Variants in TMEM126A observed in about 807,000 individuals in gnomAD.
TMEM126A encodes the protein transmembrane protein 126A.
A neutral mutation model predicts 18.3 loss-of-function variants in TMEM126A; 10 were observed. The ratio of observed to expected loss-of-function variants is 0.55; its 90% CI spans 0.34 to 0.93. The LOEUF (loss-of-function observed/expected upper bound fraction) is 0.93. Ranked by LOEUF, TMEM126A falls within the 40% of genes least tolerant of loss-of-function variation. TMEM126A has a pLI of 0.02. For missense variants in TMEM126A, 246 were observed against 230.2 expected (o/e 1.07, Z -0.44); for synonymous variants, 68 against 78.1 (o/e 0.87, Z 0.68).
intron 2 of TMEM126A, among the ~76,000 whole-genome samples, 193 bp from the exon 3 acceptor site, chr11:85,653,870 G>A (rs965911716): frequency 1.9e-4 from 29 of 152,172 alleles, no homozygotes; most frequent in African/African-American, 7.0e-4. Context: ...GGGAGCTCAG[G>A]AGAGGCACCC....
At chr11:85,648,481 C>T (rs781134546) in intron 1 of TMEM126A, among the ~76,000 whole-genome samples, 9 of 152,194 alleles carry the variant, frequency 5.9e-5, no homozygotes, top group Non-Finnish European at 1.3e-4. Context: ...TTTTTACAGG[C>T]GGCGTTGTCT....
In TMEM126A at chr11:85,652,231, G is replaced by T. The variant is rs1591464042; in HGVS notation, c.87-1832G>T. 4.6e-5 allele frequency among the ~76,000 whole-genome samples: 7 copies of T among 152,336 alleles called. No homozygotes were observed. The South Asian group carries it at 1.4e-3, about 32-fold the overall frequency. On this transcript the variant is annotated intron_variant, in intron 2 of 4. Coordinates refer to ENST00000304511, the MANE Select transcript of TMEM126A (RefSeq NM_032273.4). Reference sequence around the variant, plus strand: ...TGTCACTGGGTTCTTTACCAAATTAGAAAGAATACCTGGAACTGCAAAGTA... The same window carrying T: ...TGTCACTGGGTTCTTTACCAAATTATAAAGAATACCTGGAACTGCAAAGTA...
At chr11:85,655,064 T>C (rs2082527709) in intron 3 of TMEM126A, among the ~76,000 whole-genome samples, 1 of 152,168 alleles carries the variant, frequency 6.6e-6, no homozygotes, top group African/African-American at 2.4e-5. Flanking sequence ...GTGTGCTGAA[T>C]ACTTTGAGTA....
chr11:85,650,372 T>G, intron 2 of TMEM126A, 31 bp downstream of exon 2: 1 of 1,440,994 alleles, frequency 6.9e-7, no homozygotes, highest in Non-Finnish European at 9.8e-7. Flanking sequence ...AAAAACACCT[T>G]TTATCAGGTG....
At chr11:85,655,822 G>T in intron 4 of TMEM126A, 114 bp downstream of exon 4, 1 of 725,372 alleles carries the variant, frequency 1.4e-6, no homozygotes, top group Non-Finnish European at 2.4e-6. Flanking sequence ...TTACCCTCTT[G>T]ATTAGAAGTT....
intron 1 of TMEM126A, among the ~76,000 whole-genome samples, chr11:85,648,789 T>C (rs1294010094): frequency 6.6e-6 from 1 of 152,184 alleles, no homozygotes; most frequent in African/African-American, 2.4e-5. Flanking sequence ...AGATATGGAA[T>C]GTCAAGGTAA....
intron 3 of TMEM126A, chr11:85,655,342 A>G: frequency 2.5e-6 from 1 of 401,166 alleles, no homozygotes; most frequent in Non-Finnish European, 4.6e-6. Flanking sequence ...CAGTAGCCCA[A>G]ACCATGAGAT....
chr11:85,656,346 T>TTAAG lies in TMEM126A; in HGVS notation c.435_438dup (p.Tyr147LysfsTer5). 6.2e-7 allele frequency: 1 copy of TTAAG among 1,612,402 alleles called. No individual in the cohort carries two copies. The highest frequency in any genetic ancestry group is 8.5e-7 in the Non-Finnish European group (1 of 1,179,578). ...TCTGTTACCACACAAAGGGAACATC[T>TTAAG]TAAGTTACTGGATTAGAACTTCTAA... is the stretch of plus-strand genomic sequence containing the variant. On this transcript the variant is annotated frameshift_variant, in exon 5 of 5. Coordinates refer to ENST00000304511, the MANE Select transcript of TMEM126A (RefSeq NM_032273.4). LOFTEE classifies it high-confidence loss of function.
In TMEM126A at chr11:85,656,377, T is replaced by C; in HGVS notation, c.464T>C (p.Val155Ala). The C allele has an allele frequency of 1.2e-6, 2 of 1,613,096 alleles. No homozygotes were observed. The highest frequency in any genetic ancestry group is 1.7e-6 in the Non-Finnish European group (2 of 1,179,588). The change falls in exon 5 of 5, where the codon GTC becomes GCC. Residue 155 changes from valine to alanine, a missense_variant. By Grantham distance (64) the Val-to-Ala change is moderately conservative (BLOSUM62 0). Coordinates refer to ENST00000304511, the MANE Select transcript of TMEM126A (RefSeq NM_032273.4). The stretch of plus-strand genomic sequence containing the variant: ...TACTGGATTAGAACTTCTAAGCCTG[T>C]CTTTAGAAAGATGTTATTTCCTATT... Reference protein sequence around the residue: ...LSYWIRTSKPVFRKMLFPILL... With the variant: ...LSYWIRTSKPAFRKMLFPILL...
chr11:85,652,159 C>T (rs962171005), intron 2 of TMEM126A, among the ~76,000 whole-genome samples: 1 of 152,068 alleles, frequency 6.6e-6, no homozygotes, highest in African/African-American at 2.4e-5. Context: ...GCAAGACTGT[C>T]TCAAAAAAGA....
At chr11:85,651,791 C>T (rs1208393140) in intron 2 of TMEM126A, among the ~76,000 whole-genome samples, 1 of 152,086 alleles carries the variant, frequency 6.6e-6, no homozygotes, top group Admixed American at 6.5e-5. Flanking sequence ...CCTGAGGTAA[C>T]GGAAAACCTT....
chr11:85,655,760 C>T (rs760518157), intron 4 of TMEM126A, 52 bp downstream of exon 4: 1 of 1,275,926 alleles, frequency 7.8e-7, no homozygotes, highest in Admixed American at 1.7e-5. Context: ...AAACTCACAA[C>T]TTAAAGCAGC....
At chr11:85,651,073 A>AT (rs1436420739) in intron 2 of TMEM126A, among the ~76,000 whole-genome samples, 1 of 139,642 alleles carries the variant, frequency 7.2e-6, no homozygotes, top group Non-Finnish European at 1.6e-5. Flanking sequence ...CCGTCTCAAA[A>AT]AAAAAAAAAA....
chr11:85,649,651 G>A (rs1217111610), intron 1 of TMEM126A, among the ~76,000 whole-genome samples: 1 of 152,152 alleles, frequency 6.6e-6, no homozygotes, highest in South Asian at 2.1e-4. Flanking sequence ...TAGCTACCCC[G>A]CATTCTTGCC....
chr11:85,655,863 T>C (rs1199530633), intron 4 of TMEM126A, among the ~76,000 whole-genome samples, 155 bp downstream of exon 4: 3 of 152,220 alleles, frequency 2.0e-5, no homozygotes, highest in Non-Finnish European at 2.9e-5. Context: ...ATAATGAAAT[T>C]CTACTTATCA....
At chr11:85,653,657 A>G (rs60865542) in intron 2 of TMEM126A, among the ~76,000 whole-genome samples, 9,376 of 152,220 alleles carry the variant, frequency 0.062, 944 homozygotes, top group African/African-American at 0.22. Context: ...TCCTGACACT[A>G]ATGTTTCAGG....
At position 85,651,736 on chromosome 11, in the gene TMEM126A, A is replaced by AC. The variant is rs545286541; in HGVS notation, c.86+1402dup. 3.6e-3 allele frequency among the ~76,000 whole-genome samples: 537 copies of AC among 150,994 alleles called. 4 individuals are homozygous for AC. The highest frequency in any genetic ancestry group is 0.011 in the African/African-American group (458 of 41,064). ...TTGGTGAGATCTTAAAAGCTCTTTC[A>AC]CCCCCCCTCCCCACACTCCAACTCC... On this transcript the variant is annotated intron_variant, in intron 2 of 4. Coordinates refer to ENST00000304511, the MANE Select transcript of TMEM126A (RefSeq NM_032273.4).
chr11:85,653,944 A>G (rs1473522099), intron 2 of TMEM126A, 119 bp from the exon 3 acceptor site: 1 of 1,239,398 alleles, frequency 8.1e-7, no homozygotes, highest in African/African-American at 1.5e-5. Flanking sequence ...TTGGTTCTAT[A>G]AGGGATAGAT....
In TMEM126A at chr11:85,655,626, C is replaced by T. The variant is rs370594330; in HGVS notation, c.313C>T (p.Arg105Trp). The change falls in exon 4 of 5, where the codon CGG becomes TGG. Residue 105 changes from arginine (R) to tryptophan (W), a missense_variant. Transcript: ENST00000304511. The stretch of plus-strand genomic sequence containing the variant: ...GGATTGTGAAACCTGTACCATAACA[C>T]GGAGTGGACTGACTGGTCTTGTTAT... ...DLDCETCTIT[R>W]SGLTGLVIGG... The T allele has an allele frequency of 1.1e-4, 173 of 1,613,464 alleles. No individual in the cohort carries two copies. The highest frequency in any genetic ancestry group is 1.4e-4 in the Non-Finnish European group (161 of 1,179,634).
Sources: allele counts gnomAD v4.1 joint callset (sites outside exome capture counted in the v4.1 genomes callset), GRCh38; gene constraint gnomAD v4.1.1; transcripts MANE v1.5; gene names NCBI Gene and HGNC (gene_info 2026-07-23, HGNC 2026-07-21).